ACCSL: variants seen among roughly 807,000 people sequenced by gnomAD.
The protein encoded by ACCSL is probable inactive 1-aminocyclopropane-1-carboxylate synthase-like protein 2.
ACCSL carries 55 observed loss-of-function variants against 61.7 expected under a neutral mutation model. That is an observed-to-expected ratio of 0.89 (90% CI 0.72 to 1.12). The LOEUF is 1.12. ACCSL is among the 50% of genes most tolerant of loss of function. The probability of loss-of-function intolerance (pLI) is 0.00; values close to 1 mark genes in which losing one functional copy is unlikely to be tolerated. For synonymous variants in ACCSL, 258 were observed against 264.3 expected, an observed-to-expected ratio of 0.98 and a Z score of 0.23; for missense variants, 632 against 698.0, an observed-to-expected ratio of 0.91 and a Z score of 1.07.
the ACCSL span, among the ~76,000 whole-genome samples, chr11:43,953,462 A>G: frequency 1.3e-5 from 2 of 149,576 alleles, no homozygotes; most frequent in African/African-American, 2.5e-5. Flanking sequence ...CGGAGGTTGC[A>G]GTGAGCCAAG....
chr11:44,032,614 GC>G, the ACCSL span, among the ~76,000 whole-genome samples: 1 of 152,174 alleles, frequency 6.6e-6, no homozygotes, highest in African/African-American at 2.4e-5. Flanking sequence ...AGCACTCCTA[GC>G]TCTGGGAAAA....
At chr11:44,021,684 T>C in the ACCSL span, among the ~76,000 whole-genome samples, 1 of 152,226 alleles carries the variant, frequency 6.6e-6, no homozygotes, top group Non-Finnish European at 1.5e-5. Flanking sequence ...GGTCATGAAC[T>C]CTTTGCCTAA....
At chr11:43,935,828 C>T in the ACCSL span, among the ~76,000 whole-genome samples, 1 of 152,108 alleles carries the variant, frequency 6.6e-6, no homozygotes, top group South Asian at 2.1e-4. Context: ...TCTGTAGCCC[C>T]AGAGCTACAG....
At chr11:43,958,086 C>G in the ACCSL span, among the ~76,000 whole-genome samples, 1 of 152,140 alleles carries the variant, frequency 6.6e-6, no homozygotes, top group Non-Finnish European at 1.5e-5. Flanking sequence ...ATATAATAGC[C>G]CTTCCCAAAA....
the ACCSL span, among the ~76,000 whole-genome samples, chr11:44,015,285 A>G: frequency 1.3e-5 from 2 of 152,188 alleles, no homozygotes; most frequent in Non-Finnish European, 2.9e-5. Flanking sequence ...GATTAGCCCC[A>G]TTTTAAGGAT....
the ACCSL span, among the ~76,000 whole-genome samples, chr11:43,971,196 G>A: frequency 1.3e-5 from 2 of 151,662 alleles, no homozygotes; most frequent in African/African-American, 2.4e-5. Context: ...AGCCGGGCAT[G>A]GTGGCACATG....
the ACCSL span, among the ~76,000 whole-genome samples, chr11:43,986,096 C>T: frequency 1.3e-5 from 2 of 152,126 alleles, no homozygotes; most frequent in African/African-American, 4.8e-5. Flanking sequence ...ATCGGAGAGC[C>T]AGAGACGTGG....
Position 44,051,544 on chromosome 11 carries a change from C to T in ACCSL, c.706-109C>T, listed in dbSNP as rs897421770. On this transcript the variant is annotated intron_variant, in intron 4 of 13. Transcript: ENST00000378832. ...CAGCATGAAGGCCAATGTGTCCCAACTGAGGAGGCTCCCTGTGCCTGTTCT... is the reference window on the plus strand; with the variant it reads ...CAGCATGAAGGCCAATGTGTCCCAATTGAGGAGGCTCCCTGTGCCTGTTCT... 4 of 1,538,218 alleles carry T rather than the reference C, an allele frequency of 2.6e-6. No homozygotes were observed. The African/African-American group carries it at 4.1e-5, about 16-fold the overall frequency.
At chr11:44,021,136 G>C in the ACCSL span, among the ~76,000 whole-genome samples, 3 of 152,098 alleles carry the variant, frequency 2.0e-5, no homozygotes, top group Non-Finnish European at 4.4e-5. Context: ...TTTTCCTCCA[G>C]TAGTGGGATT....
chr11:44,058,772 C>G (rs918732404), intron 13 of ACCSL, 73 bp downstream of exon 13: 13 of 1,511,274 alleles, frequency 8.6e-6, no homozygotes, highest in African/African-American at 5.6e-5. Flanking sequence ...TCCCCCACCC[C>G]CCTTAAACAT....
In ACCSL at chr11:44,050,100, C is replaced by G. The variant is rs749927003; in HGVS notation, c.543C>G (p.Cys181Trp). The change falls in exon 2 of 14, where the codon TGC becomes TGG. Residue 181 changes from cysteine to tryptophan, a missense_variant. Cys to Trp is a radical substitution (Grantham distance 215). Coordinates refer to ENST00000378832, the MANE Select transcript of ACCSL (RefSeq NM_001031854.2). ...INLGTSENKL[C>W]MDLMTERLQE... ...TTGGCACCAGTGAGAACAAGCTCTG[C>G]ATGGATCTGATGACTGAAAGAGTAA... The G allele has an allele frequency of 1.9e-6, 3 of 1,614,072 alleles. No homozygotes were observed. In the Admixed American group the frequency reaches 5.0e-5, roughly 27 times the overall value.
the ACCSL span, among the ~76,000 whole-genome samples, chr11:43,930,103 G>A: frequency 6.6e-6 from 1 of 152,184 alleles, no homozygotes; most frequent in South Asian, 2.1e-4. Context: ...AGCAGTCAGA[G>A]GCAGGGCCGG....
chr11:43,982,409 G>T, the ACCSL span, among the ~76,000 whole-genome samples: 1 of 151,774 alleles, frequency 6.6e-6, no homozygotes, highest in Non-Finnish European at 1.5e-5. Context: ...TGTATTTTTA[G>T]TAGAGACAGG....
chr11:43,991,252 A>T, the ACCSL span, among the ~76,000 whole-genome samples: 3 of 152,202 alleles, frequency 2.0e-5, no homozygotes, highest in African/African-American at 4.8e-5. Flanking sequence ...TTTAAATGCC[A>T]TTCCTGCTAC....
At chr11:43,949,384 G>A in the ACCSL span, among the ~76,000 whole-genome samples, 1 of 152,184 alleles carries the variant, frequency 6.6e-6, no homozygotes, top group Non-Finnish European at 1.5e-5. Context: ...TGGCCTCTGT[G>A]TACCTATAAG....
At chr11:43,971,284 C>CAAAAAAAAAAAAA in the ACCSL span, among the ~76,000 whole-genome samples, 1 of 137,630 alleles carries the variant, frequency 7.3e-6, no homozygotes, top group Non-Finnish European at 1.6e-5. Flanking sequence ...GACTCTGTCT[C>CAAAAAAAAAAAAA]AAAAAAAAAA....
At chr11:44,020,784 A>T in the ACCSL span, among the ~76,000 whole-genome samples, 4 of 150,734 alleles carry the variant, frequency 2.7e-5, no homozygotes, top group South Asian at 8.4e-4. Flanking sequence ...CCCCCCTCCC[A>T]CCATTTCCCC....
At chr11:43,942,264 AGGGGGCG>A in the ACCSL span, 3 of 135,944 alleles carry the variant, frequency 2.2e-5, no homozygotes, top group African/African-American at 9.2e-5. Flanking sequence ...ATCTGGGACC[AGGGGGCG>A]GGGGAGGGGG....
At chr11:44,039,906 G>A in the ACCSL span, among the ~76,000 whole-genome samples, 8 of 152,198 alleles carry the variant, frequency 5.3e-5, no homozygotes, top group Admixed American at 3.3e-4. Flanking sequence ...AGTCATGGGC[G>A]GTTCCACCTG....
Sources: gnomAD v4.1 joint callset for allele counts (sites outside exome capture counted in the v4.1 genomes callset) on GRCh38, gnomAD v4.1.1 for gene constraint, MANE v1.5 for transcripts, NCBI Gene and HGNC (gene_info 2026-07-23, HGNC 2026-07-21) for gene names.